Variants in CAMK4 observed in about 807,000 individuals in gnomAD.
CAMK4 encodes calcium/calmodulin-dependent protein kinase type IV.
CAMK4 carries 22 observed loss-of-function variants against 44.9 expected under a neutral mutation model. The ratio of observed to expected loss-of-function variants is 0.49; its 90% CI spans 0.35 to 0.70. CAMK4 has a LOEUF of 0.70. Among genes scored for constraint, CAMK4 ranks in the 30% least tolerant of loss-of-function variants. The probability of loss-of-function intolerance (pLI) is 0.01; values close to 1 mark genes in which losing one functional copy is unlikely to be tolerated. For missense variants in CAMK4, 498 were observed against 586.8 expected, an observed-to-expected ratio of 0.85 and a Z score of 1.56; for synonymous variants, 218 against 215.4, an observed-to-expected ratio of 1.01 and a Z score of -0.11.
At chr5:111,231,214 C>G (rs1264917244) in intron 1 of CAMK4, among the ~76,000 whole-genome samples, 2 of 152,086 alleles carry the variant, frequency 1.3e-5, no homozygotes, top group Non-Finnish European at 2.9e-5. Flanking sequence ...TGGTAAAGAT[C>G]AAATAAAGAA....
At position 111,344,431 on chromosome 5, in the gene CAMK4, CAT is replaced by C. The variant is rs1405774625; in HGVS notation, c.240+331_240+332del. Among the ~76,000 whole-genome samples, 251 of 51,926 alleles carry C rather than the reference CAT, an allele frequency of 4.8e-3. No individual in the cohort carries two copies. In the Middle Eastern group the frequency reaches 0.073, roughly 15 times the overall value. The allele number at this position is 51,926 out of a possible 152,430, so 34.1% of individuals were successfully genotyped here. On this transcript the variant is annotated intron_variant, in intron 2 of 10. Coordinates refer to ENST00000282356, the MANE Select transcript of CAMK4 (RefSeq NM_001744.6). The stretch of plus-strand genomic sequence containing the variant: ...ATATATGTATATACACACACACACA[CAT>C]ACACACACACACACTATATAATAAT...
chr5:111,462,371 C>G (rs1425722545), intron 7 of CAMK4, among the ~76,000 whole-genome samples: 1 of 152,206 alleles, frequency 6.6e-6, no homozygotes, highest in African/African-American at 2.4e-5. Context: ...CATCCCCCAC[C>G]CAGCTGTAAG....
chr5:111,332,812 G>A (rs1022571797), intron 1 of CAMK4, among the ~76,000 whole-genome samples: 2 of 151,500 alleles, frequency 1.3e-5, no homozygotes, highest in Admixed American at 1.3e-4. Context: ...AAATTGCAGG[G>A]CCATTAGAAA....
At chr5:111,417,049 T>C (rs79358096) in intron 5 of CAMK4, among the ~76,000 whole-genome samples, 1 of 152,218 alleles carries the variant, frequency 6.6e-6, no homozygotes, top group African/African-American at 2.4e-5. Flanking sequence ...ATCAACTTAA[T>C]TTTTTTATTT....
intron 1 of CAMK4, among the ~76,000 whole-genome samples, chr5:111,329,453 T>A (rs577653657): frequency 6.6e-6 from 1 of 152,022 alleles, no homozygotes; most frequent in Admixed American, 6.6e-5. Context: ...TGTTTACAGA[T>A]GACAAAATCT....
chr5:111,362,674 T>G (rs1434740858), intron 2 of CAMK4, among the ~76,000 whole-genome samples: 1 of 152,008 alleles, frequency 6.6e-6, no homozygotes, highest in Non-Finnish European at 1.5e-5. Context: ...TCTTAAAAAA[T>G]AATTTGGGAG....
intron 7 of CAMK4, among the ~76,000 whole-genome samples, chr5:111,465,793 C>T: frequency 6.6e-6 from 1 of 152,142 alleles, no homozygotes; most frequent in East Asian, 1.9e-4. Flanking sequence ...GAATTGGGAC[C>T]AATCCTATTG....
chr5:111,315,876 CA>C (rs1220006275), intron 1 of CAMK4, among the ~76,000 whole-genome samples: 1 of 152,034 alleles, frequency 6.6e-6, no homozygotes, highest in African/African-American at 2.4e-5. Flanking sequence ...GCCATAGCCA[CA>C]ATACTTTGTT....
chr5:111,236,783 C>G (rs185142791), intron 1 of CAMK4, among the ~76,000 whole-genome samples: 1 of 152,310 alleles, frequency 6.6e-6, no homozygotes, highest in African/African-American at 2.4e-5. Flanking sequence ...TCTTCACCAC[C>G]AGAACATCTG....
intron 5 of CAMK4, among the ~76,000 whole-genome samples, chr5:111,413,731 T>A (rs891795365): frequency 2.6e-5 from 4 of 152,106 alleles, no homozygotes; most frequent in African/African-American, 9.7e-5. Context: ...GTCAGTAGAT[T>A]TGGTTTCATT....
intron 2 of CAMK4, among the ~76,000 whole-genome samples, chr5:111,370,857 G>A (rs1750977086): frequency 6.6e-6 from 1 of 152,164 alleles, no homozygotes; most frequent in African/African-American, 2.4e-5. Context: ...AGAGGTTGCA[G>A]TGAGCCGAGA....
intron 1 of CAMK4, among the ~76,000 whole-genome samples, chr5:111,291,838 T>C (rs754545950): frequency 5.9e-5 from 9 of 152,150 alleles, no homozygotes; most frequent in Non-Finnish European, 8.8e-5. Context: ...ATGTAGGGCA[T>C]TTGCTTTCTT....
chr5:111,395,597 A>G (rs1751978153), intron 5 of CAMK4, among the ~76,000 whole-genome samples: 1 of 152,214 alleles, frequency 6.6e-6, no homozygotes, highest in Non-Finnish European at 1.5e-5. Flanking sequence ...AGGAAGAAAC[A>G]TAAGTTAATA....
chr5:111,271,141 G>A (rs1017807143), intron 1 of CAMK4, among the ~76,000 whole-genome samples: 1 of 152,140 alleles, frequency 6.6e-6, no homozygotes, highest in Non-Finnish European at 1.5e-5. Context: ...GGGGATAATG[G>A]GGATTACAAT....
At chr5:111,264,572 C>T (rs1224023610) in intron 1 of CAMK4, among the ~76,000 whole-genome samples, 1 of 152,064 alleles carries the variant, frequency 6.6e-6, no homozygotes, top group African/African-American at 2.4e-5. Context: ...ATCTATTGTC[C>T]ATGTGGTGTT....
intron 1 of CAMK4, among the ~76,000 whole-genome samples, chr5:111,326,554 C>A (rs1748895133): frequency 1.3e-5 from 2 of 149,830 alleles, no homozygotes; most frequent in Non-Finnish European, 1.5e-5. Flanking sequence ...CAATCTTTTG[C>A]AGAAAATTAA....
rs533676537 is a variant in CAMK4 at position 111,254,633 on chromosome 5, A to C, written c.161+29989A>C. Among the ~76,000 whole-genome samples the C allele has an allele frequency of 2.6e-5, 4 of 152,326 alleles. No individual in the cohort carries two copies. In the South Asian group the frequency reaches 6.2e-4, roughly 24 times the overall value. On this transcript the variant is annotated intron_variant, in intron 1 of 10. Transcript: ENST00000282356. The stretch of plus-strand genomic sequence containing the variant: ...GGTCAGTTTCTCTCAGCATTCACAG[A>C]AATCTTCCTGCACATCCCATCTACT...
intron 1 of CAMK4, chr5:111,282,922 G>T (rs758726910): frequency 2.6e-5 from 4 of 152,196 alleles, no homozygotes; most frequent in Non-Finnish European, 4.4e-5. Context: ...AAATCACCTG[G>T]CAGCACATCA....
intron 1 of CAMK4, among the ~76,000 whole-genome samples, chr5:111,328,670 A>G (rs28816545): frequency 5.3e-5 from 8 of 151,924 alleles, no homozygotes; most frequent in East Asian, 3.9e-4. Context: ...ATTTGTTTGT[A>G]TCCTCTTTTA....
Sources: allele counts gnomAD v4.1 joint callset (sites outside exome capture counted in the v4.1 genomes callset), GRCh38; gene constraint gnomAD v4.1.1; transcripts MANE v1.5; gene names NCBI Gene and HGNC (gene_info 2026-07-23, HGNC 2026-07-21).